Variants in MARCHF1 observed in about 807,000 individuals in gnomAD.
MARCHF1 encodes the protein membrane associated ring-CH-type finger 1, also known as E3 ubiquitin-protein ligase MARCHF1.
Under a neutral mutation model 54.2 loss-of-function variants are expected in MARCHF1, and 40 were observed. The ratio of observed to expected loss-of-function variants is 0.74; its 90% CI spans 0.57 to 0.96. The LOEUF is 0.96. Ranked by LOEUF, MARCHF1 falls within the 40% of genes least tolerant of loss-of-function variation. The pLI, the probability that MARCHF1 is intolerant of heterozygous loss-of-function variation, is 0.00. For missense variants in MARCHF1, 586 were observed against 656.5 expected, an observed-to-expected ratio of 0.89 and a Z score of 1.17; for synonymous variants, 236 against 236.3, an observed-to-expected ratio of 1.00 and a Z score of 0.01.
chr4:164,099,538 C>T (rs1755490811), intron 2 of MARCHF1, among the ~76,000 whole-genome samples: 2 of 152,236 alleles, frequency 1.3e-5, no homozygotes, highest in African/African-American at 2.4e-5. Context: ...ATAAGCTACT[C>T]TAACAGGACT....
At chr4:164,334,923 A>G (rs1445948910) in intron 1 of MARCHF1, among the ~76,000 whole-genome samples, 1 of 152,208 alleles carries the variant, frequency 6.6e-6, no homozygotes, top group Non-Finnish European at 1.5e-5. Flanking sequence ...TCAGAGGAGC[A>G]AGTAACTGCA....
chr4:163,737,869 G>C (rs1579243856), intron 4 of MARCHF1, among the ~76,000 whole-genome samples: 1 of 106,190 alleles, frequency 9.4e-6, no homozygotes, highest in East Asian at 2.0e-4. Flanking sequence ...CAGGGATCTA[G>C]AACTAGAAAT....
chr4:163,531,570 C>T (rs764910854), intron 9 of MARCHF1, among the ~76,000 whole-genome samples: 13 of 151,710 alleles, frequency 8.6e-5, no homozygotes, highest in Non-Finnish European at 1.3e-4. Flanking sequence ...ATGCCTATTC[C>T]GCATCACACT....
At chr4:164,208,005 A>C (rs1320750176) in intron 1 of MARCHF1, among the ~76,000 whole-genome samples, 1 of 152,192 alleles carries the variant, frequency 6.6e-6, no homozygotes, top group Admixed American at 6.5e-5. Context: ...ACCTCACTGA[A>C]TGAGGGATAT....
intron 5 of MARCHF1, among the ~76,000 whole-genome samples, chr4:163,683,910 C>CTCAA (rs1744187392): frequency 6.6e-6 from 1 of 151,890 alleles, no homozygotes; most frequent in African/African-American, 2.4e-5. Flanking sequence ...CACTCACTCA[C>CTCAA]TCACTCACTC....
At chr4:163,538,985 C>T (rs573654547) in intron 9 of MARCHF1, among the ~76,000 whole-genome samples, 4 of 149,350 alleles carry the variant, frequency 2.7e-5, no homozygotes, top group Non-Finnish European at 4.4e-5. Flanking sequence ...ATGGTGGTTT[C>T]GCTCTCTCCT....
intron 2 of MARCHF1, among the ~76,000 whole-genome samples, chr4:164,015,225 T>C (rs1394429117): frequency 2.6e-5 from 4 of 152,114 alleles, no homozygotes; most frequent in Admixed American, 2.0e-4. Flanking sequence ...CTCCAATAAA[T>C]AGTGCTAGAA....
chr4:163,833,993 T>C (rs1166863826), intron 4 of MARCHF1, among the ~76,000 whole-genome samples: 2 of 152,218 alleles, frequency 1.3e-5, no homozygotes, highest in Non-Finnish European at 1.5e-5. Context: ...TCAGCCATTC[T>C]GACAAGCAAA....
chr4:164,282,370 A>C (rs1334441448), intron 1 of MARCHF1, among the ~76,000 whole-genome samples: 3 of 150,956 alleles, frequency 2.0e-5, no homozygotes, highest in Non-Finnish European at 4.4e-5. Flanking sequence ...TTGGAGTCTC[A>C]GTTCCTTGAA....
At chr4:163,642,539 T>C (rs781050639) in intron 5 of MARCHF1, among the ~76,000 whole-genome samples, 3 of 152,234 alleles carry the variant, frequency 2.0e-5, no homozygotes, top group Non-Finnish European at 4.4e-5. Flanking sequence ...CTTGATTGCA[T>C]ATTTGTCTTT....
intron 2 of MARCHF1, among the ~76,000 whole-genome samples, chr4:164,036,335 G>A (rs1754001738): frequency 1.3e-5 from 2 of 151,950 alleles, no homozygotes; most frequent in Admixed American, 1.3e-4. Context: ...ACTACAATTG[G>A]AGATAGAGAT....
intron 5 of MARCHF1, among the ~76,000 whole-genome samples, chr4:163,626,889 G>A (rs548586968): frequency 1.2e-4 from 19 of 152,130 alleles, no homozygotes; most frequent in African/African-American, 4.1e-4. Flanking sequence ...TCATGCCACC[G>A]CACTTCATCT....
chr4:163,684,376 G>GA (rs1304710153), intron 5 of MARCHF1, among the ~76,000 whole-genome samples: 2 of 151,916 alleles, frequency 1.3e-5, no homozygotes, highest in South Asian at 2.1e-4. Flanking sequence ...CTCAAGAAAA[G>GA]AAAAAAACAA....
intron 3 of MARCHF1, among the ~76,000 whole-genome samples, chr4:163,954,988 C>G (rs1234737945): frequency 2.0e-5 from 3 of 151,936 alleles, no homozygotes; most frequent in African/African-American, 7.3e-5. Flanking sequence ...CTCCGGGAAA[C>G]CAATTCCAGA....
chr4:164,296,330 ACAAT>A (rs1425449857), intron 1 of MARCHF1, among the ~76,000 whole-genome samples: 2 of 152,160 alleles, frequency 1.3e-5, no homozygotes, highest in African/African-American at 4.8e-5. Flanking sequence ...TATTCCATTG[ACAAT>A]CAAAGAAGTT....
At chr4:164,062,785 A>G (rs1754647900) in intron 2 of MARCHF1, among the ~76,000 whole-genome samples, 1 of 152,086 alleles carries the variant, frequency 6.6e-6, no homozygotes, top group African/African-American at 2.4e-5. Flanking sequence ...CGGCCTCCCA[A>G]ATTGTTGGGA....
chr4:163,590,743 G>A (rs1740563638), intron 7 of MARCHF1, among the ~76,000 whole-genome samples: 1 of 151,976 alleles, frequency 6.6e-6, no homozygotes, highest in Non-Finnish European at 1.5e-5. Flanking sequence ...ATAAGTTATT[G>A]CTGTGCCAAG....
At chr4:163,668,302 G>A (rs1268329954) in intron 5 of MARCHF1, among the ~76,000 whole-genome samples, 2 of 152,192 alleles carry the variant, frequency 1.3e-5, no homozygotes, top group Non-Finnish European at 2.9e-5. Flanking sequence ...GAGGCAGAGA[G>A]CTAAGTGCCA....
intron 2 of MARCHF1, among the ~76,000 whole-genome samples, chr4:164,009,866 C>G (rs898911488): frequency 2.0e-5 from 3 of 151,990 alleles, no homozygotes; most frequent in Non-Finnish European, 2.9e-5. Context: ...GAAAGACTTC[C>G]TTTTAAGGTT....
Sources: allele counts gnomAD v4.1 joint callset (sites outside exome capture counted in the v4.1 genomes callset), GRCh38; gene constraint gnomAD v4.1.1; transcripts MANE v1.5; gene names NCBI Gene and HGNC (gene_info 2026-07-23, HGNC 2026-07-21).